DLGAP1: variants seen among roughly 807,000 people sequenced by gnomAD.
The protein encoded by DLGAP1 is disks large-associated protein 1.
A neutral mutation model predicts 90.8 loss-of-function variants in DLGAP1; 11 were observed. That is an observed-to-expected ratio of 0.12 (90% CI 0.08 to 0.20). The LOEUF (loss-of-function observed/expected upper bound fraction) is 0.20, where lower values mean the gene tolerates loss of function less well. DLGAP1 is among the 10% of genes least tolerant of loss of function. The probability of loss-of-function intolerance (pLI) is 1.00; values close to 1 mark genes in which losing one functional copy is unlikely to be tolerated. For missense variants in DLGAP1, 1,050 were observed against 1,333.8 expected, an observed-to-expected ratio of 0.79 and a Z score of 3.31; for synonymous variants, 558 against 540.7, an observed-to-expected ratio of 1.03 and a Z score of -0.44.
At position 3,793,780 on chromosome 18, in the gene DLGAP1, T is replaced by C. The variant is rs572051797; in HGVS notation, c.1172+20279A>G. On this transcript the variant is annotated intron_variant, in intron 5 of 12. Transcript: ENST00000315677. Reference sequence around the variant, plus strand: ...CTCACTTTCCCCTTGCACAGCTGCATGCCCCACTCTGCGACCCCCTGACAC... The same window carrying C: ...CTCACTTTCCCCTTGCACAGCTGCACGCCCCACTCTGCGACCCCCTGACAC... Among the ~76,000 whole-genome samples the C allele has an allele frequency of 2.0e-5, 3 of 152,314 alleles. No homozygotes were observed. In the East Asian group the frequency reaches 5.8e-4, roughly 29 times the overall value.
chr18:3,557,852 A>G (rs955857264), intron 9 of DLGAP1, among the ~76,000 whole-genome samples: 28 of 151,056 alleles, frequency 1.9e-4, no homozygotes, highest in African/African-American at 6.8e-4. Context: ...GCTTGAACCC[A>G]GGAGGCAGAG....
At chr18:3,703,247 G>T (rs980196058) in intron 7 of DLGAP1, among the ~76,000 whole-genome samples, 1 of 152,196 alleles carries the variant, frequency 6.6e-6, no homozygotes, top group African/African-American at 2.4e-5. Context: ...GCGCTGTCCT[G>T]ACAAAAGACC....
At chr18:4,351,855 G>T (rs2081409190) in intron 1 of DLGAP1, among the ~76,000 whole-genome samples, 1 of 152,176 alleles carries the variant, frequency 6.6e-6, no homozygotes, top group Admixed American at 6.5e-5. Context: ...CCTTGCTCTA[G>T]TAAGAAGATT....
At chr18:3,817,875 C>T (rs1002403484) in intron 4 of DLGAP1, among the ~76,000 whole-genome samples, 1 of 152,136 alleles carries the variant, frequency 6.6e-6, no homozygotes, top group Non-Finnish European at 1.5e-5. Context: ...GATAACCTTG[C>T]AGCTGTCTCT....
chr18:3,879,725 C>A lies in DLGAP1; in HGVS notation c.344G>T (p.Arg115Leu). 1.2e-6 allele frequency: 2 copies of A among 1,608,802 alleles called. No individual in the cohort carries two copies. The highest frequency in any genetic ancestry group is 1.7e-6 in the Non-Finnish European group (2 of 1,179,870). The change falls in exon 4 of 13, where the codon CGC becomes CTC. Residue 115 changes from arginine to leucine, a missense_variant. Physicochemically the swap from Arg to Leu is moderately radical, Grantham distance 102 (BLOSUM62 -2). This residue lies in a region of DLGAP1 where 485 missense variants were observed against 454.1 expected (regional missense o/e 1.07). Transcript: ENST00000315677. The surrounding 1 kb of genome is among the most constrained non-coding windows in gnomAD (Gnocchi z 6.6). ...DQFERQLPLS[R>L]DGYHTLQYKR... is the part of the protein sequence containing the mutation. ...GTACTGCAGGGTGTGATAGCCATCG[C>A]GGCTGAGTGGCAGCTGCCGCTCGAA...
intron 1 of DLGAP1, among the ~76,000 whole-genome samples, chr18:4,450,293 T>A (rs1438117013): frequency 6.6e-6 from 1 of 152,096 alleles, no homozygotes; most frequent in African/African-American, 2.4e-5. Context: ...AAAGAAGGGG[T>A]ATCCAGGGAA....
At chr18:3,659,578 T>C (rs1187527904) in intron 7 of DLGAP1, among the ~76,000 whole-genome samples, 1 of 151,848 alleles carries the variant, frequency 6.6e-6, no homozygotes, top group Non-Finnish European at 1.5e-5. Context: ...TTTTTTCTTA[T>C]TTTTTGAGAC....
intron 2 of DLGAP1, among the ~76,000 whole-genome samples, chr18:4,079,330 CACACA>C (rs2075570727): frequency 1.5e-5 from 2 of 137,250 alleles, no homozygotes; most frequent in African/African-American, 2.8e-5. Flanking sequence ...CACACACACA[CACACA>C]CCATGGAATA....
chr18:3,643,260 A>G (rs1359135995), intron 7 of DLGAP1, among the ~76,000 whole-genome samples: 1 of 152,112 alleles, frequency 6.6e-6, no homozygotes, highest in Non-Finnish European at 1.5e-5. Flanking sequence ...AGAAAGAAGA[A>G]AGGAAAGAAA....
chr18:3,522,437 T>C (rs528503922), intron 10 of DLGAP1, among the ~76,000 whole-genome samples: 2 of 151,740 alleles, frequency 1.3e-5, no homozygotes, highest in African/African-American at 4.8e-5. Context: ...GTACTCGGCC[T>C]CCCACCTAGC....
chr18:4,099,165 C>G (rs2075731590), intron 2 of DLGAP1, among the ~76,000 whole-genome samples: 1 of 152,144 alleles, frequency 6.6e-6, no homozygotes, highest in African/African-American at 2.4e-5. Flanking sequence ...ATTCTAAAGT[C>G]TTAACAAATT....
At chr18:4,171,970 A>G (rs1444937188) in intron 1 of DLGAP1, among the ~76,000 whole-genome samples, 1 of 152,166 alleles carries the variant, frequency 6.6e-6, no homozygotes. Flanking sequence ...TTTTTTTCCA[A>G]AGATTTTTCC....
In DLGAP1 at chr18:3,669,414, C is replaced by T. The variant is rs189824411; in HGVS notation, c.1591+59721G>A. 4.8e-3 allele frequency among the ~76,000 whole-genome samples: 737 copies of T among 152,250 alleles called. 3 individuals carry two copies. Among genetic ancestry groups the T allele is most frequent in the African/African-American group, 0.017 (709 of 41,560 alleles). On this transcript the variant is annotated intron_variant, in intron 7 of 12. Coordinates refer to ENST00000315677, the MANE Select transcript of DLGAP1 (RefSeq NM_004746.4). ...TTTCCAAGACCACCTTGGCCCACCA[C>T]ACCCCCAACCTGGGCCTATAAAAAT...
chr18:4,437,732 T>C (rs968260485), intron 1 of DLGAP1, among the ~76,000 whole-genome samples: 1 of 152,242 alleles, frequency 6.6e-6, no homozygotes, highest in Non-Finnish European at 1.5e-5. Context: ...ATAATAAATA[T>C]GGTTTAAAAG....
intron 4 of DLGAP1, chr18:3,874,157 G>C: frequency 2.6e-6 from 4 of 1,549,930 alleles, no homozygotes; most frequent in Non-Finnish European, 3.5e-6. Flanking sequence ...CCCAAACCTG[G>C]TCAGTCCTTC....
intron 1 of DLGAP1, among the ~76,000 whole-genome samples, chr18:4,425,996 T>A (rs1438161098): frequency 6.6e-6 from 1 of 152,132 alleles, no homozygotes; most frequent in Non-Finnish European, 1.5e-5. Flanking sequence ...TGTGCAGGCT[T>A]TTTTTTTCTG....
intron 1 of DLGAP1, among the ~76,000 whole-genome samples, chr18:4,432,883 C>G (rs537469547): frequency 6.6e-6 from 1 of 152,140 alleles, no homozygotes; most frequent in South Asian, 2.1e-4. Flanking sequence ...CCAAACAGGC[C>G]CTCGAGAAGT....
intron 7 of DLGAP1, chr18:3,680,142 G>A (rs2060459475): frequency 6.6e-6 from 1 of 152,286 alleles, no homozygotes; most frequent in South Asian, 2.1e-4. Flanking sequence ...TGGCAAAATG[G>A]TGATAGGCCA....
intron 7 of DLGAP1, among the ~76,000 whole-genome samples, chr18:3,687,857 A>T (rs1448982727): frequency 1.3e-5 from 2 of 152,166 alleles, no homozygotes; most frequent in African/African-American, 2.4e-5. Flanking sequence ...AATTCTGACC[A>T]AACAATAGCT....
Sources: allele counts gnomAD v4.1 joint callset (sites outside exome capture counted in the v4.1 genomes callset), GRCh38; gene constraint gnomAD v4.1.1; regional missense constraint gnomAD v4.1.1; non-coding constraint Gnocchi (gnomAD v3.1); transcripts MANE v1.5; gene names NCBI Gene and HGNC (gene_info 2026-07-23, HGNC 2026-07-21).